Variants in UGT2B4 observed in about 807,000 individuals in gnomAD.
UGT2B4 encodes UDP glucuronosyltransferase family 2 member B4.
Under a neutral mutation model 49.8 loss-of-function variants are expected in UGT2B4, and 49 were observed. The ratio of observed to expected loss-of-function variants is 0.98; its 90% CI spans 0.78 to 1.25. The LOEUF (loss-of-function observed/expected upper bound fraction) is 1.25. Ranked by LOEUF, UGT2B4 falls within the 50% of genes most tolerant of loss-of-function variation. The pLI is 0.00. For synonymous variants in UGT2B4, 246 were observed against 217.7 expected (o/e 1.13, Z -1.14); for missense variants, 729 against 627.7 (o/e 1.16, Z -1.73).
chr4:69,481,091 GAAAAAAAAAA>G (rs57494102), intron 5 of UGT2B4, among the ~76,000 whole-genome samples, 181 bp from the exon 6 acceptor site: 3 of 67,824 alleles, frequency 4.4e-5, no homozygotes, highest in Non-Finnish European at 7.7e-5. Flanking sequence ...GTAAAAATAT[GAAAAAAAAAA>G]AAAAAAAAAA....
chr4:69,496,259 T>C (rs1271593781), upstream of UGT2B4, among the ~76,000 whole-genome samples: 1 of 151,582 alleles, frequency 6.6e-6, no homozygotes, highest in East Asian at 2.0e-4. Context: ...ACCCCTGACC[T>C]TGTGATCTGC....
chr4:69,525,555 T>C (rs1302071018), intron 1 of UGT2B4: 1 of 265,816 alleles, frequency 3.8e-6, no homozygotes, highest in Non-Finnish European at 6.1e-6. Context: ...TTATAAATTT[T>C]TGGAGACTCA....
chr4:69,495,350 C>T lies in UGT2B4; in HGVS notation c.512G>A (p.Ser171Asn). ...AELLKIPFVYSLRFSPGYAIE... is the reference protein window; with the variant it reads ...AELLKIPFVYNLRFSPGYAIE... ...TGCGTAGCCAGGAGAGAAGCGGAGG[C>T]TGTAGACAAAGGGTATTTTAAGTAA... The change falls in exon 1 of 6, where the codon AGC becomes AAC. Residue 171 changes from serine to asparagine, a missense_variant. By Grantham distance (46) the Ser-to-Asn change is conservative. Coordinates refer to ENST00000305107, the MANE Select transcript of UGT2B4 (RefSeq NM_021139.3). The T allele has an allele frequency of 6.2e-7, 1 of 1,613,642 alleles. No individual in the cohort carries two copies. The highest frequency in any genetic ancestry group is 8.5e-7 in the Non-Finnish European group (1 of 1,179,890).
intron 1 of UGT2B4, among the ~76,000 whole-genome samples, chr4:69,516,876 C>CTT (rs563014123): frequency 0.065 from 9,331 of 144,534 alleles, 419 homozygotes; most frequent in Admixed American, 0.12. Flanking sequence ...CCAAAGGCTT[C>CTT]TTTTTTTTTT....
upstream of UGT2B4, chr4:69,495,960 T>A (rs907471334): frequency 6.7e-7 from 1 of 1,496,192 alleles, no homozygotes; most frequent in Non-Finnish European, 8.9e-7. Flanking sequence ...AAAATGTAAC[T>A]TTTACACTTC....
In UGT2B4 at chr4:69,495,127, A is replaced by G. The variant is rs753788751; in HGVS notation, c.721+14T>C. ...AGTTAGATCTTCATGTTACCAATCA[A>G]AAAAGTTACTTACCTAGAACTTCAC... On this transcript the variant is annotated intron_variant, in intron 1 of 5. Transcript: ENST00000305107. 8.6e-6 allele frequency: 13 copies of G among 1,509,862 alleles called. No homozygotes were observed. In the South Asian group the frequency reaches 1.7e-4, roughly 20 times the overall value. The allele number at this position is 1,509,862 out of a possible 1,614,324, so 93.5% of individuals were successfully genotyped here. A position where few individuals can be genotyped will look rare whatever the true frequency, so the allele number is the denominator to read the frequency against.
Position 69,480,566 on chromosome 4 carries a change from G to A in UGT2B4, c.*68C>T, listed in dbSNP as rs748186522. On this transcript the variant is annotated 3_prime_UTR_variant, in exon 6 of 6. Coordinates refer to ENST00000305107, the MANE Select transcript of UGT2B4 (RefSeq NM_021139.3). ...AGAAAGGAATCTCTTGTATCACAACGTCTTCTTGTTGTAATAAACTAAAGG... is the reference window on the plus strand; with the variant it reads ...AGAAAGGAATCTCTTGTATCACAACATCTTCTTGTTGTAATAAACTAAAGG... The A allele has an allele frequency of 3.9e-6, 6 of 1,539,962 alleles. No homozygotes were observed. Among genetic ancestry groups the A allele is most frequent in the African/African-American group, 1.4e-5 (1 of 72,734 alleles).
At chr4:69,500,837 C>G (rs1343412206), upstream of UGT2B4, among the ~76,000 whole-genome samples, 1 of 152,124 alleles carries the variant, frequency 6.6e-6, no homozygotes, top group Non-Finnish European at 1.5e-5. Flanking sequence ...CTCATGAACC[C>G]ACTCCACCAG....
intron 1 of UGT2B4, among the ~76,000 whole-genome samples, chr4:69,520,753 G>A (rs1728829967): frequency 6.6e-6 from 1 of 152,182 alleles, no homozygotes; most frequent in Non-Finnish European, 1.5e-5. Flanking sequence ...GGATGGCTCA[G>A]CACCATCCTG....
chr4:69,486,449 T>TATCA, intron 4 of UGT2B4, 160 bp downstream of exon 4: 2 of 437,968 alleles, frequency 4.6e-6, no homozygotes, highest in Non-Finnish European at 3.9e-6. Flanking sequence ...TGCCAACAAT[T>TATCA]TATTCTTTTC....
At chr4:69,488,657 C>G (rs1173920292) in intron 3 of UGT2B4, among the ~76,000 whole-genome samples, 1 of 152,044 alleles carries the variant, frequency 6.6e-6, no homozygotes, top group Non-Finnish European at 1.5e-5. Flanking sequence ...ATATTTCCTT[C>G]TGCTGCCTCC....
chr4:69,493,913 T>C, intron 1 of UGT2B4, 72 bp from the exon 2 acceptor site: 1 of 1,520,192 alleles, frequency 6.6e-7, no homozygotes, highest in East Asian at 2.4e-5. Context: ...TGAAAGAAGT[T>C]AGAATAATGT....
Position 69,485,225 on chromosome 4 carries a change from T to A in UGT2B4, c.1293A>T (p.Thr431=). The A allele has an allele frequency of 6.2e-7, 1 of 1,614,006 alleles. No homozygotes were observed. Among genetic ancestry groups the A allele is most frequent in the Non-Finnish European group, 8.5e-7 (1 of 1,179,918 alleles). ...ATACTCACAAAGGATCATTAATTAC[T>A]GTCTTCAGTGCATTGAGTAAGTCTG... ...SSTDLLNALK[T]VINDPLYKEN... Residue 431 remains threonine, a synonymous_variant, in exon 5 of 6, where the codon ACA becomes ACT. Transcript: ENST00000305107.
Position 69,523,701 on chromosome 4 carries a change from C to G in UGT2B4, c.-106+1986G>C, listed in dbSNP as rs756710112. On this transcript the variant is annotated intron_variant, in intron 1 of 1. Transcript: ENST00000510114. ...AATTACACACTAACAAAAGAGTCAG[C>G]CTGTGCTTTAAAGCTTTAAAGCCAG... Among the ~76,000 whole-genome samples, 85 of 152,056 alleles carry G rather than the reference C, an allele frequency of 5.6e-4. 1 individual carries two copies. The highest frequency in any genetic ancestry group is 2.6e-4 in the Admixed American group (4 of 15,274).
intron 2 of UGT2B4, among the ~76,000 whole-genome samples, chr4:69,492,014 G>A (rs1398404016): frequency 6.6e-6 from 1 of 152,030 alleles, no homozygotes; most frequent in Admixed American, 6.6e-5. Flanking sequence ...TTAGAAGGGT[G>A]ATATCAATTT....
chr4:69,509,427 C>T (rs1206119674), intron 1 of UGT2B4, among the ~76,000 whole-genome samples: 1 of 152,074 alleles, frequency 6.6e-6, no homozygotes, highest in Admixed American at 6.6e-5. Context: ...TCCATAGTGT[C>T]TGCAATATTT....
chr4:69,481,577 G>A (rs1727592227), intron 5 of UGT2B4, among the ~76,000 whole-genome samples: 2 of 152,108 alleles, frequency 1.3e-5, no homozygotes, highest in Admixed American at 6.6e-5. Flanking sequence ...AGGTGCATGA[G>A]ATGTTTTGAT....
intron 1 of UGT2B4, among the ~76,000 whole-genome samples, chr4:69,522,053 A>G (rs143229572): frequency 2.0e-5 from 3 of 152,356 alleles, no homozygotes; most frequent in Non-Finnish European, 4.4e-5. Context: ...TGAGGAAAAC[A>G]TCATTGGTTG....
rs1727540915 is a variant in UGT2B4 at position 69,480,174 on chromosome 4, ATTAT to A, written c.*456_*459del. ...AGGAAGAGACTTTCTATACAATTTA[ATTAT>A]TTATTAGCTTCCTCAACAACAGTTA... On this transcript the variant is annotated 3_prime_UTR_variant, in exon 6 of 6. Transcript: ENST00000305107. The A allele has an allele frequency of 6.4e-6, 1 of 155,060 alleles. No homozygotes were observed. Among genetic ancestry groups the A allele is most frequent in the Non-Finnish European group, 1.4e-5 (1 of 69,854 alleles). The allele number at this position is 155,060 out of a possible 1,614,324, so 9.6% of individuals were successfully genotyped here. A position where few individuals can be genotyped will look rare whatever the true frequency, so the allele number is the denominator to read the frequency against.
Sources: gnomAD v4.1 joint callset for allele counts (sites outside exome capture counted in the v4.1 genomes callset) on GRCh38, gnomAD v4.1.1 for gene constraint, MANE v1.5 for transcripts, NCBI Gene and HGNC (gene_info 2026-07-23, HGNC 2026-07-21) for gene names.